Variants in KL observed in about 807,000 individuals in gnomAD.
The protein encoded by KL is klotho.
Under a neutral mutation model 84.2 loss-of-function variants are expected in KL, and 62 were observed. The ratio of observed to expected loss-of-function variants is 0.74; its 90% confidence interval spans 0.60 to 0.91. The LOEUF (loss-of-function observed/expected upper bound fraction) is 0.91, where lower values mean the gene tolerates loss of function less well. KL is among the 40% of genes least tolerant of loss of function. The pLI is 0.00. For missense variants in KL, 1,261 were observed against 1,305.7 expected (o/e 0.97, Z 0.53); for synonymous variants, 528 against 528.0 (o/e 1.00, Z 0.00).
chr13:33,055,375 G>T, intron 3 of KL, 60 bp downstream of exon 3: 3 of 1,601,482 alleles, frequency 1.9e-6, no homozygotes, highest in Non-Finnish European at 2.6e-6. Context: ...AGTAAGTAGT[G>T]CTTCCTTCCT....
chr13:33,060,694 T>C lies in KL; in HGVS notation c.1615T>C (p.Ser539Pro), dbSNP rs1343595082. Reference protein sequence around the residue: ...DNYIQVDTTLSQFTDLNVYLW... With the variant: ...DNYIQVDTTLPQFTDLNVYLW... ...CCCTTCACAGGTAGATACCACTCTG[T>C]CTCAGTTTACCGACCTGAATGTTTA... is the stretch of plus-strand genomic sequence containing the variant. Residue 539 changes from serine (S) to proline (P), a missense_variant, in exon 4 of 5, where the codon TCT (serine) becomes CCT (proline). By Grantham distance (74) the Ser-to-Pro change is moderately conservative. Transcript: ENST00000380099. 6.2e-7 allele frequency: 1 copy of C among 1,614,176 alleles called. No homozygotes were observed. Among genetic ancestry groups the C allele is most frequent in the Admixed American group, 1.7e-5 (1 of 60,024 alleles).
intron 1 of KL, among the ~76,000 whole-genome samples, chr13:33,035,664 C>T (rs1871126664): frequency 6.6e-6 from 1 of 152,090 alleles, no homozygotes; most frequent in Non-Finnish European, 1.5e-5. Context: ...ATTAGAAAAA[C>T]AGAGATACAA....
In KL at chr13:33,017,350, C is replaced by A. The variant is rs550536855; in HGVS notation, c.819+91C>A. ...GGAAGTGTGGGAACTGAGTCTCCCC[C>A]AGACGAGGCTTCACTTGGACACGTG... On this transcript the variant is annotated intron_variant, in intron 1 of 4. Coordinates refer to ENST00000380099, the MANE Select transcript of KL (RefSeq NM_004795.4). 46 of 1,216,758 alleles carry A rather than the reference C, an allele frequency of 3.8e-5. No homozygotes were observed. In the South Asian group the frequency reaches 5.7e-4, roughly 15 times the overall value. The allele number at this position is 1,216,758 out of a possible 1,614,324, so 75.4% of individuals were successfully genotyped here.
chr13:33,042,162 A>T (rs993754703), intron 1 of KL, among the ~76,000 whole-genome samples: 2 of 152,168 alleles, frequency 1.3e-5, no homozygotes, highest in Non-Finnish European at 2.9e-5. Flanking sequence ...AATTGTAGGT[A>T]ATTATATTTC....
In KL at chr13:33,016,816, A is replaced by G; in HGVS notation, c.376A>G (p.Ser126Gly). The G allele has an allele frequency of 6.2e-7, 1 of 1,612,650 alleles. No homozygotes were observed. The highest frequency in any genetic ancestry group is 8.5e-7 in the Non-Finnish European group (1 of 1,179,748). Residue 126 changes from serine (S) to glycine (G), a missense_variant, in exon 1 of 5, where the codon AGC (serine) becomes GGC (glycine). Transcript: ENST00000380099. ...PLQPATGDVASDSYNNVFRDT... is the reference protein window; with the variant it reads ...PLQPATGDVAGDSYNNVFRDT... ...GCAGCCCGCCACCGGGGACGTAGCC[A>G]GCGACAGCTACAACAACGTCTTCCG... is the stretch of plus-strand genomic sequence containing the variant.
At chr13:33,029,735 G>A (rs765499458) in intron 1 of KL, among the ~76,000 whole-genome samples, 7 of 152,134 alleles carry the variant, frequency 4.6e-5, no homozygotes, top group African/African-American at 4.8e-5. Context: ...CCAGGTTCAC[G>A]CCATTCTCCT....
At position 33,064,190 on chromosome 13, in the gene KL, T is replaced by G; in HGVS notation, c.*4T>G. The G allele has an allele frequency of 6.3e-7, 1 of 1,579,542 alleles. No homozygotes were observed. Among genetic ancestry groups the G allele is most frequent in the East Asian group, 2.2e-5 (1 of 44,708 alleles). On this transcript the variant is annotated 3_prime_UTR_variant, in exon 5 of 5. Transcript: ENST00000380099. ...AGGCAGAAGAAGTTACAAATAGTTC[T>G]GAACATTTTTCTATTCATTCATTTT...
chr13:33,054,285 T>G lies in KL; in HGVS notation c.1330+8T>G, dbSNP rs1201785143. On this transcript the variant is annotated splice_region_variant and intron_variant, in intron 2 of 4. Transcript: ENST00000380099. Reference sequence around the variant, plus strand: ...TCATGGAAACCTTAAAAGGTATGATTGTGGGTAAAGTTCTCATTTCCTGCC... The same window carrying G: ...TCATGGAAACCTTAAAAGGTATGATGGTGGGTAAAGTTCTCATTTCCTGCC... The G allele has an allele frequency of 6.2e-7, 1 of 1,612,662 alleles. No individual in the cohort carries two copies. The highest frequency in any genetic ancestry group is 2.2e-5 in the East Asian group (1 of 44,864).
rs200769089 is a variant in KL at position 33,060,665 on chromosome 13, T to G, written c.1600-14T>G. 6.2e-7 allele frequency: 1 copy of G among 1,614,218 alleles called. No individual in the cohort carries two copies. The highest frequency in any genetic ancestry group is 2.2e-5 in the East Asian group (1 of 44,886). Reference sequence around the variant, plus strand: ...CTGCCCAGGTGACGCTAATGTTTACTCTGCCCTTCACAGGTAGATACCACT... The same window carrying G: ...CTGCCCAGGTGACGCTAATGTTTACGCTGCCCTTCACAGGTAGATACCACT... On this transcript the variant is annotated splice_polypyrimidine_tract_variant and intron_variant, in intron 3 of 4. Coordinates refer to ENST00000380099, the MANE Select transcript of KL (RefSeq NM_004795.4).
At chr13:33,033,991 A>G (rs1871071855) in intron 1 of KL, among the ~76,000 whole-genome samples, 1 of 152,090 alleles carries the variant, frequency 6.6e-6, no homozygotes, top group Non-Finnish European at 1.5e-5. Flanking sequence ...TGAAAAGGCA[A>G]TCTGAGATTC....
chr13:33,049,525 A>C (rs892986259), intron 1 of KL, among the ~76,000 whole-genome samples: 2 of 152,256 alleles, frequency 1.3e-5, no homozygotes, highest in Non-Finnish European at 2.9e-5. Context: ...GGAAGATGTC[A>C]AGGAATGCTT....
Position 33,055,177 on chromosome 13 carries a change from G to A in KL, c.1461G>A (p.Met487Ile). The A allele has an allele frequency of 6.2e-7, 1 of 1,614,208 alleles. No individual in the cohort carries two copies. Among genetic ancestry groups the A allele is most frequent in the Non-Finnish European group, 8.5e-7 (1 of 1,180,034 alleles). The change falls in exon 3 of 5, where the codon ATG becomes ATA. Residue 487 changes from methionine to isoleucine, a missense_variant. Transcript: ENST00000380099. ...FYVDFLSQDK[M>I]LLPKSSALFY... ...TTGACTTTCTAAGCCAGGACAAGATGTTGTTGCCAAAGTCTTCAGCCTTGT... is the reference window on the plus strand; with the variant it reads ...TTGACTTTCTAAGCCAGGACAAGATATTGTTGCCAAAGTCTTCAGCCTTGT...
At position 33,016,715 on chromosome 13, in the gene KL, C is replaced by T; in HGVS notation, c.275C>T (p.Thr92Met). The T allele has an allele frequency of 6.2e-7, 1 of 1,610,688 alleles. No homozygotes were observed. Among genetic ancestry groups the T allele is most frequent in the Non-Finnish European group, 8.5e-7 (1 of 1,179,012 alleles). ...QHGKGASIWDTFTHHPLAPPG... is the reference protein window; with the variant it reads ...QHGKGASIWDMFTHHPLAPPG... The stretch of plus-strand genomic sequence containing the variant: ...GGCAAGGGTGCGTCCATCTGGGATA[C>T]GTTCACCCACCACCCCCTGGCACCC... The change falls in exon 1 of 5, where the codon ACG becomes ATG. Residue 92 changes from threonine to methionine, a missense_variant. Thr to Met is a moderately conservative substitution (Grantham distance 81, BLOSUM62 -1). Transcript: ENST00000380099.
At chr13:33,037,488 A>G (rs886447860) in intron 1 of KL, among the ~76,000 whole-genome samples, 23 of 152,094 alleles carry the variant, frequency 1.5e-4, no homozygotes, top group African/African-American at 5.6e-4. Flanking sequence ...GTGAGTTACA[A>G]TGTGATGTAG....
rs1872151073 is a variant in KL at position 33,060,837 on chromosome 13, G to A, written c.1758G>A (p.Gln586=). The A allele has an allele frequency of 6.2e-7, 1 of 1,614,100 alleles. No homozygotes were observed. The highest frequency in any genetic ancestry group is 1.3e-5 in the African/African-American group (1 of 74,952). Residue 586 remains glutamine (Q), a synonymous_variant, in exon 4 of 5, where the codon CAG becomes CAA. Transcript: ENST00000380099. ...AAIQPQIALL[Q]EMHVTHFRFS... ...TCCAGCCCCAGATCGCTTTACTCCAGGAAATGCACGTTACACATTTTCGCT... is the reference window on the plus strand; with the variant it reads ...TCCAGCCCCAGATCGCTTTACTCCAAGAAATGCACGTTACACATTTTCGCT...
Position 33,065,368 on chromosome 13 carries a change from T to C in KL, c.*1182T>C, listed in dbSNP as rs886050125. ...CACGCTGAAACATGCTAGTGATATC[T>C]AGAAAGGGCTAATTAGGTCTCATCC... On this transcript the variant is annotated 3_prime_UTR_variant, in exon 5 of 5. Transcript: ENST00000380099. The C allele has an allele frequency of 4.9e-6, 1 of 203,452 alleles. No homozygotes were observed. 12.6% of individuals were successfully genotyped at this position (203,452 alleles called of 1,614,324 possible). A position where few individuals can be genotyped will look rare whatever the true frequency, so the allele number is the denominator to read the frequency against.
intron 1 of KL, among the ~76,000 whole-genome samples, chr13:33,049,244 G>C (rs1243371961): frequency 6.6e-6 from 1 of 152,146 alleles, no homozygotes; most frequent in Non-Finnish European, 1.5e-5. Context: ...TTATGAGAGA[G>C]TTTTCCTGCT....
chr13:33,032,583 T>TTTCTTC (rs772017453), intron 1 of KL, among the ~76,000 whole-genome samples: 2 of 151,320 alleles, frequency 1.3e-5, no homozygotes, highest in East Asian at 1.9e-4. Flanking sequence ...ATGGACTTCT[T>TTTCTTC]TTCTTCTTCT....
chr13:33,047,084 G>A (rs1871559679), intron 1 of KL, among the ~76,000 whole-genome samples: 1 of 152,070 alleles, frequency 6.6e-6, no homozygotes, highest in Non-Finnish European at 1.5e-5. Flanking sequence ...CCTGGAAAAT[G>A]TATCATGTGC....
Sources: allele counts gnomAD v4.1 joint callset (sites outside exome capture counted in the v4.1 genomes callset), GRCh38; gene constraint gnomAD v4.1.1; transcripts MANE v1.5; gene names NCBI Gene and HGNC (gene_info 2026-07-23, HGNC 2026-07-21).